ZNF704: variants seen among roughly 807,000 people sequenced by gnomAD.
ZNF704 encodes glucocorticoid induced gene 1.
ZNF704 carries 10 observed loss-of-function variants against 44.7 expected under a neutral mutation model. That is an observed-to-expected ratio of 0.22 (90% CI 0.14 to 0.38). The LOEUF is 0.38. Ranked by LOEUF, ZNF704 falls within the 10% of genes least tolerant of loss-of-function variation. The pLI is 1.00. For synonymous variants in ZNF704, 211 were observed against 207.6 expected, an observed-to-expected ratio of 1.02 and a Z score of -0.14; for missense variants, 390 against 545.5, an observed-to-expected ratio of 0.71 and a Z score of 2.84.
At chr8:80,778,780 T>C (rs1010067287) in intron 2 of ZNF704, among the ~76,000 whole-genome samples, 1 of 152,038 alleles carries the variant, frequency 6.6e-6, no homozygotes. Context: ...CCGCATCTTC[T>C]CACTTACAAG....
intron 2 of ZNF704, among the ~76,000 whole-genome samples, chr8:80,703,978 G>A (rs1818856399): frequency 6.6e-6 from 1 of 152,064 alleles, no homozygotes; most frequent in South Asian, 2.1e-4. Context: ...AAAAATTCAA[G>A]TATTAAATAA....
rs1275921716 is a variant in ZNF704 at position 80,659,521 on chromosome 8, G to A, written c.1032+64C>T. 2.2e-6 allele frequency: 3 copies of A among 1,349,748 alleles called. No homozygotes were observed. In the African/African-American group the frequency reaches 4.3e-5, roughly 19 times the overall value. 83.6% of individuals were successfully genotyped at this position (1,349,748 alleles called of 1,614,324 possible). On this transcript the variant is annotated intron_variant, in intron 7 of 8. Coordinates refer to ENST00000327835, the MANE Select transcript of ZNF704 (RefSeq NM_001033723.3). ...TTTTTCTTGCATGCCTCTACTATTT[G>A]TTCGCTAAATTTAGTCTACATTGGC... is the stretch of plus-strand genomic sequence containing the variant.
rs12544444 is a variant in ZNF704, at chr8:80,816,468, A to T, written c.221+4906T>A. Among the ~76,000 whole-genome samples the T allele has an allele frequency of 1.1e-3, 174 of 152,346 alleles. 2 individuals carry two copies. Among genetic ancestry groups the T allele is most frequent in the Admixed American group, 0.01 (158 of 15,310 alleles). On this transcript the variant is annotated intron_variant, in intron 2 of 8. Transcript: ENST00000327835. ...AATGAATGAAGTACTGACACATGCT[A>T]TCACATGGATGAACCTTTCAAACAT...
chr8:80,861,774 T>C (rs954100113), intron 1 of ZNF704, among the ~76,000 whole-genome samples: 13 of 151,612 alleles, frequency 8.6e-5, no homozygotes, highest in African/African-American at 2.9e-4. Flanking sequence ...TCCAGCTCCA[T>C]CTTCTCCACT....
In ZNF704 at chr8:80,642,182, C is replaced by T. The variant is rs11997650; in HGVS notation, c.1128-705G>A. On this transcript the variant is annotated intron_variant, in intron 8 of 8. Transcript: ENST00000327835. ...GTACAAACCCTATATATATATTATG[C>T]ATGACTTTTTCTTTCTTTACAGTTT... is the stretch of plus-strand genomic sequence containing the variant. Among the ~76,000 whole-genome samples the T allele has an allele frequency of 6.6e-3, 1,002 of 152,294 alleles. 12 individuals carry two copies. The highest frequency in any genetic ancestry group is 0.023 in the African/African-American group (972 of 41,554).
At chr8:80,798,870 T>C (rs919332499) in intron 2 of ZNF704, among the ~76,000 whole-genome samples, 1 of 152,242 alleles carries the variant, frequency 6.6e-6, no homozygotes, top group Non-Finnish European at 1.5e-5. Flanking sequence ...CTTACAGTTA[T>C]GGAGGCTGAG....
At chr8:80,872,045 T>C (rs1181708470) in intron 1 of ZNF704, among the ~76,000 whole-genome samples, 1 of 152,240 alleles carries the variant, frequency 6.6e-6, no homozygotes, top group Admixed American at 6.5e-5. Flanking sequence ...TATTATTGTT[T>C]CTATCACAAA....
At chr8:80,872,897 G>T (rs1329466126) in intron 1 of ZNF704, among the ~76,000 whole-genome samples, 1 of 151,844 alleles carries the variant, frequency 6.6e-6, no homozygotes, top group Non-Finnish European at 1.5e-5. Context: ...AACCTCAAAC[G>T]CTAAATGATG....
the ZNF704 span, among the ~76,000 whole-genome samples, chr8:80,880,132 C>T: frequency 1.3e-5 from 2 of 152,194 alleles, no homozygotes; most frequent in Non-Finnish European, 1.5e-5. Flanking sequence ...ATTATCTGGC[C>T]GACTAGAGCC....
At chr8:80,650,818 C>T (rs1158563283) in intron 7 of ZNF704, among the ~76,000 whole-genome samples, 1 of 152,220 alleles carries the variant, frequency 6.6e-6, no homozygotes, top group Non-Finnish European at 1.5e-5. Context: ...ACAGAGAATG[C>T]CACAAAGATA....
At chr8:80,731,302 T>C (rs1806577587) in intron 2 of ZNF704, among the ~76,000 whole-genome samples, 1 of 152,210 alleles carries the variant, frequency 6.6e-6, no homozygotes, top group Non-Finnish European at 1.5e-5. Flanking sequence ...GCAGTTTTTC[T>C]AAATAAACGA....
At chr8:80,798,986 G>A (rs1807855674) in intron 2 of ZNF704, among the ~76,000 whole-genome samples, 1 of 152,158 alleles carries the variant, frequency 6.6e-6, no homozygotes, top group Non-Finnish European at 1.5e-5. Context: ...AAGAGTCTGA[G>A]TGTGCTAGAT....
intron 1 of ZNF704, among the ~76,000 whole-genome samples, chr8:80,845,093 T>C (rs1316396096): frequency 1.3e-5 from 2 of 152,210 alleles, no homozygotes; most frequent in Non-Finnish European, 2.9e-5. Context: ...TATTATACAT[T>C]TCTGCTCCCC....
intron 2 of ZNF704, among the ~76,000 whole-genome samples, chr8:80,750,778 G>A (rs1284486098): frequency 2.6e-5 from 4 of 152,156 alleles, no homozygotes; most frequent in Non-Finnish European, 5.9e-5. Context: ...GCCTCCCAAA[G>A]TGCTGGGATT....
intron 2 of ZNF704, among the ~76,000 whole-genome samples, chr8:80,821,062 T>A (rs566099348): frequency 6.6e-6 from 1 of 152,268 alleles, no homozygotes; most frequent in Non-Finnish European, 1.5e-5. Context: ...ACTTAATGTA[T>A]GCTCAGTCCT....
chr8:80,673,210 C>T (rs1419716059), intron 4 of ZNF704: 1 of 152,128 alleles, frequency 6.6e-6, no homozygotes, highest in Non-Finnish European at 1.5e-5. Flanking sequence ...AATAAAGATA[C>T]ACTTTTTCCC....
At chr8:80,642,447 T>C (rs1331470036) in intron 8 of ZNF704, among the ~76,000 whole-genome samples, 2 of 152,206 alleles carry the variant, frequency 1.3e-5, no homozygotes, top group Non-Finnish European at 2.9e-5. Flanking sequence ...GGGCGAGTAG[T>C]GTAGACAGTG....
intron 1 of ZNF704, among the ~76,000 whole-genome samples, chr8:80,827,523 T>C (rs1414035336): frequency 1.3e-5 from 2 of 152,098 alleles, no homozygotes; most frequent in Non-Finnish European, 2.9e-5. Context: ...TTCAATGCCA[T>C]CCCTATCAAG....
chr8:80,831,201 C>A (rs757354590), intron 1 of ZNF704, among the ~76,000 whole-genome samples: 15 of 152,174 alleles, frequency 9.9e-5, no homozygotes, highest in Admixed American at 2.0e-4. Flanking sequence ...CTGCTGCAAG[C>A]AGTTGTGTAT....
Sources: allele counts gnomAD v4.1 joint callset (sites outside exome capture counted in the v4.1 genomes callset), GRCh38; gene constraint gnomAD v4.1.1; transcripts MANE v1.5; gene names NCBI Gene and HGNC (gene_info 2026-07-23, HGNC 2026-07-21).